SLC5A4: variants seen among roughly 807,000 people sequenced by gnomAD.
SLC5A4 encodes solute carrier family 5 member 4.
A neutral mutation model predicts 70.3 loss-of-function variants in SLC5A4; 55 were observed. The observed-to-expected ratio is 0.78, with a 90% CI of 0.63 to 0.98. SLC5A4 has a LOEUF of 0.98. SLC5A4 is among the 50% of genes least tolerant of loss of function. The probability of loss-of-function intolerance (pLI) is 0.00; values close to 1 mark genes in which losing one functional copy is unlikely to be tolerated. For missense variants in SLC5A4, 735 were observed against 839.2 expected, an observed-to-expected ratio of 0.88 and a Z score of 1.53; for synonymous variants, 268 against 305.7, an observed-to-expected ratio of 0.88 and a Z score of 1.29.
the SLC5A4 span, among the ~76,000 whole-genome samples, chr22:32,312,423 G>T: frequency 6.6e-6 from 1 of 151,712 alleles, no homozygotes; most frequent in Non-Finnish European, 1.5e-5. Context: ...GCCCCAAGGG[G>T]CCGCTATTGG....
chr22:32,270,535 A>C, the SLC5A4 span: 1 of 716,618 alleles, frequency 1.4e-6, no homozygotes, highest in Non-Finnish European at 2.6e-6. Flanking sequence ...CCTGATTCTG[A>C]GCCAGGAAGA....
At chr22:32,303,146 C>T in the SLC5A4 span, among the ~76,000 whole-genome samples, 2 of 152,274 alleles carry the variant, frequency 1.3e-5, no homozygotes, top group Middle Eastern at 3.4e-3. Flanking sequence ...AGATTAAGGA[C>T]ACACCCATGA....
the SLC5A4 span, among the ~76,000 whole-genome samples, chr22:32,354,536 C>G: frequency 1.1e-4 from 16 of 152,258 alleles, no homozygotes; most frequent in African/African-American, 3.9e-4. Context: ...CAATGCAACA[C>G]CCGATAGTTC....
chr22:32,292,606 A>C, the SLC5A4 span, among the ~76,000 whole-genome samples: 1 of 151,226 alleles, frequency 6.6e-6, no homozygotes, highest in Non-Finnish European at 1.5e-5. Flanking sequence ...GAAAATTCCT[A>C]TATATATATA....
chr22:32,283,751 T>C, the SLC5A4 span, among the ~76,000 whole-genome samples: 3 of 152,218 alleles, frequency 2.0e-5, no homozygotes, highest in Non-Finnish European at 4.4e-5. Context: ...ATGTACTTAA[T>C]TGGAAGTTTG....
chr22:32,248,766 C>G lies in SLC5A4; in HGVS notation c.349G>C (p.Val117Leu). 1 of 1,613,194 alleles carries G rather than the reference C, an allele frequency of 6.2e-7. No individual in the cohort carries two copies. Among genetic ancestry groups the G allele is most frequent in the South Asian group, 1.1e-5 (1 of 91,054 alleles). The part of the protein sequence containing the change: ...VMLLILGWIF[V>L]PIYIKSGVMT... Reference sequence around the variant, plus strand: ...ACCCCCGACTTGATGTAGATAGGGACAAAGATCCACCCAAGAATCAGCAAC... The same window carrying G: ...ACCCCCGACTTGATGTAGATAGGGAGAAAGATCCACCCAAGAATCAGCAAC... Residue 117 changes from valine (V) to leucine (L), a missense_variant, in exon 4 of 15, where the codon GTC (valine) becomes CTC (leucine). Transcript: ENST00000266086.
At chr22:32,337,087 G>C in the SLC5A4 span, among the ~76,000 whole-genome samples, 1 of 152,216 alleles carries the variant, frequency 6.6e-6, no homozygotes, top group Admixed American at 6.5e-5. Flanking sequence ...GGTCAGATCA[G>C]TCTTTCGGCC....
At chr22:32,266,358 G>A in the SLC5A4 span, among the ~76,000 whole-genome samples, 1 of 152,158 alleles carries the variant, frequency 6.6e-6, no homozygotes, top group African/African-American at 2.4e-5. Flanking sequence ...GCCACCTGGA[G>A]ACAGGGAAGA....
chr22:32,327,624 AT>A, the SLC5A4 span, among the ~76,000 whole-genome samples: 1 of 152,150 alleles, frequency 6.6e-6, no homozygotes, highest in African/African-American at 2.4e-5. Flanking sequence ...GGAGAGCTTT[AT>A]GGGAGTTTGC....
chr22:32,298,026 T>C, the SLC5A4 span, among the ~76,000 whole-genome samples: 8 of 95,438 alleles, frequency 8.4e-5, no homozygotes, highest in Non-Finnish European at 4.4e-5. Flanking sequence ...AGATAGTTTG[T>C]TATAATTTCT....
chr22:32,237,347 C>T, intron 6 of SLC5A4, 23 bp from the exon 7 acceptor site: 1 of 1,534,784 alleles, frequency 6.5e-7, no homozygotes, highest in Non-Finnish European at 8.9e-7. Context: ...AGAAAAGAAC[C>T]AGGGCATTTT....
At chr22:32,308,460 G>A in the SLC5A4 span, among the ~76,000 whole-genome samples, 6 of 148,036 alleles carry the variant, frequency 4.1e-5, no homozygotes, top group South Asian at 4.2e-4. Context: ...GCGGCCTGTG[G>A]GGGAGTCAGT....
chr22:32,331,018 T>TGTGTGTGTGTTGGAGGCTCTG, the SLC5A4 span, among the ~76,000 whole-genome samples: 15 of 16,716 alleles, frequency 9.0e-4, no homozygotes, highest in East Asian at 4.7e-3. Context: ...GGGGCTCTGG[T>TGTGTGTGTGTTGGAGGCTCTG]GTGTGTGTGT....
the SLC5A4 span, among the ~76,000 whole-genome samples, chr22:32,329,707 G>GGTGTGTGTGTGTGGGGGGCTCTGGTGT: frequency 1.1e-4 from 1 of 8,954 alleles, no homozygotes; most frequent in African/African-American, 1.7e-3. Context: ...TGGGGGCTCT[G>GGTGTGTGTGTGTGGGGGGCTCTGGTGT]GTGTGTGTTG....
the SLC5A4 span, among the ~76,000 whole-genome samples, chr22:32,335,714 A>C: frequency 1.6e-4 from 24 of 152,306 alleles, no homozygotes; most frequent in Non-Finnish European, 3.2e-4. Context: ...TGCAGCACCC[A>C]GCGATTCCTG....
At chr22:32,237,433 A>G in intron 6 of SLC5A4, 109 bp from the exon 7 acceptor site, 1 of 677,028 alleles carries the variant, frequency 1.5e-6, no homozygotes, top group Admixed American at 3.2e-5. Context: ...ACCCAGTAGA[A>G]GACATCAAAA....
the SLC5A4 span, among the ~76,000 whole-genome samples, chr22:32,277,673 G>A: frequency 2.6e-5 from 4 of 151,872 alleles, no homozygotes; most frequent in African/African-American, 9.7e-5. Context: ...TCAGCCTCCC[G>A]AGTAGCTGGG....
At chr22:32,323,989 CTT>C in the SLC5A4 span, among the ~76,000 whole-genome samples, 3 of 152,230 alleles carry the variant, frequency 2.0e-5, no homozygotes, top group Non-Finnish European at 2.9e-5. Flanking sequence ...GTGTGGCAGT[CTT>C]TGCATTCCCC....
rs115906605 is a variant in SLC5A4, at chr22:32,250,192, C to A, written c.313-1390G>T. On this transcript the variant is annotated intron_variant, in intron 3 of 14. Transcript: ENST00000266086. ...AGTGATGTGCATGGAATGGGCCAGG[C>A]AGAATGGGACCACAGAAGTGCTGAA... 5.1e-3 allele frequency among the ~76,000 whole-genome samples: 774 copies of A among 152,158 alleles called. 6 individuals are homozygous for A. The highest frequency in any genetic ancestry group is 0.018 in the African/African-American group (745 of 41,502).
Sources: allele counts gnomAD v4.1 joint callset (sites outside exome capture counted in the v4.1 genomes callset), GRCh38; gene constraint gnomAD v4.1.1; transcripts MANE v1.5; gene names NCBI Gene and HGNC (gene_info 2026-07-23, HGNC 2026-07-21).